The following NYAP2 variants were observed in gnomAD, a reference collection of about 807,000 sequenced individuals.
NYAP2 encodes neuronal tyrosine-phosphorylated phosphoinositide-3-kinase adaptor 2, also known as neuronal tyrosine-phosphorylated phosphoinositide-3-kinase adapter 2.
In NYAP2, 23 loss-of-function variants were observed where a neutral mutation model predicts 50.4. The ratio of observed to expected loss-of-function variants is 0.46; its 90% CI spans 0.33 to 0.65. NYAP2 has a LOEUF of 0.65. Ranked by LOEUF, NYAP2 falls within the 30% of genes least tolerant of loss-of-function variation. The pLI is 0.02. For synonymous variants in NYAP2, 394 were observed against 365.2 expected (o/e 1.08, Z -0.90); for missense variants, 885 against 861.0 (o/e 1.03, Z -0.35).
the NYAP2 span, among the ~76,000 whole-genome samples, chr2:225,659,918 T>C: frequency 6.6e-6 from 1 of 152,344 alleles, no homozygotes; most frequent in Admixed American, 6.5e-5. Flanking sequence ...GTTCAGTCAG[T>C]GTTATTCCAA....
chr2:225,594,770 T>C (rs1407688999), intron 5 of NYAP2, among the ~76,000 whole-genome samples: 3 of 152,226 alleles, frequency 2.0e-5, no homozygotes, highest in Non-Finnish European at 4.4e-5. Flanking sequence ...ATGTCTGTAG[T>C]GGTGCATGGT....
chr2:225,510,847 G>T (rs1004416052), intron 3 of NYAP2, among the ~76,000 whole-genome samples: 2 of 151,938 alleles, frequency 1.3e-5, no homozygotes, highest in African/African-American at 4.8e-5. Flanking sequence ...GTTAGATTAA[G>T]TTGTTGTATG....
At chr2:225,529,802 G>GA (rs1574660725) in intron 4 of NYAP2, among the ~76,000 whole-genome samples, 2 of 152,192 alleles carry the variant, frequency 1.3e-5, no homozygotes, top group African/African-American at 4.8e-5. Flanking sequence ...CTGCCTCCTG[G>GA]GTTCAAGCAA....
chr2:225,611,037 G>T (rs1297190861), intron 5 of NYAP2, among the ~76,000 whole-genome samples: 1 of 152,144 alleles, frequency 6.6e-6, no homozygotes, highest in Non-Finnish European at 1.5e-5. Flanking sequence ...GGACTTCAAG[G>T]TTTCAGCAAG....
At chr2:225,624,354 G>C (rs1240211984) in intron 5 of NYAP2, among the ~76,000 whole-genome samples, 1 of 152,184 alleles carries the variant, frequency 6.6e-6, no homozygotes, top group Non-Finnish European at 1.5e-5. Context: ...CACTAGAAAC[G>C]GGGCATTCTA....
intron 3 of NYAP2, among the ~76,000 whole-genome samples, chr2:225,502,819 A>G (rs1262070719): frequency 6.6e-6 from 1 of 152,236 alleles, no homozygotes; most frequent in African/African-American, 2.4e-5. Flanking sequence ...TCTGATCACA[A>G]GGTGCTGAAA....
chr2:225,617,905 T>A (rs10498192), intron 5 of NYAP2, among the ~76,000 whole-genome samples: 41,861 of 152,040 alleles, frequency 0.28, 5,850 homozygotes, highest in African/African-American at 0.33. Flanking sequence ...CAGTTATTCA[T>A]CCCATCCCTT....
At chr2:225,492,156 A>G (rs1327070505) in intron 3 of NYAP2, among the ~76,000 whole-genome samples, 5 of 152,150 alleles carry the variant, frequency 3.3e-5, no homozygotes. Flanking sequence ...GGAAGAGCAA[A>G]TGCCCATGTG....
intron 6 of NYAP2, among the ~76,000 whole-genome samples, chr2:225,636,333 T>G (rs1693414207): frequency 6.6e-6 from 1 of 152,156 alleles, no homozygotes; most frequent in African/African-American, 2.4e-5. Flanking sequence ...ATATTCAACT[T>G]TTTAATATAT....
At chr2:225,544,627 G>A (rs1691539162) in intron 4 of NYAP2, among the ~76,000 whole-genome samples, 1 of 151,958 alleles carries the variant, frequency 6.6e-6, no homozygotes, top group African/African-American at 2.4e-5. Flanking sequence ...TTTATGTCTT[G>A]TTGTACCGTC....
intron 3 of NYAP2, among the ~76,000 whole-genome samples, chr2:225,460,444 G>A (rs752483289): frequency 1.3e-5 from 2 of 152,170 alleles, no homozygotes; most frequent in African/African-American, 2.4e-5. Flanking sequence ...TTGGTGATAT[G>A]TTTATTGTTT....
intron 6 of NYAP2, among the ~76,000 whole-genome samples, chr2:225,634,681 T>A (rs1448163359): frequency 6.6e-6 from 1 of 152,220 alleles, no homozygotes; most frequent in South Asian, 2.1e-4. Flanking sequence ...AATCTGGATT[T>A]AAATCCTCAT....
At chr2:225,474,162 G>C (rs1690061461) in intron 3 of NYAP2, among the ~76,000 whole-genome samples, 1 of 152,058 alleles carries the variant, frequency 6.6e-6, no homozygotes, top group African/African-American at 2.4e-5. Context: ...CTGTTCCATT[G>C]GTCTATATCT....
At chr2:225,474,055 G>A (rs998672015) in intron 3 of NYAP2, among the ~76,000 whole-genome samples, 3 of 152,096 alleles carry the variant, frequency 2.0e-5, no homozygotes, top group South Asian at 2.1e-4. Context: ...AGCACCATTT[G>A]TTAAATAAGG....
chr2:225,460,711 T>G (rs1474390152), intron 3 of NYAP2, among the ~76,000 whole-genome samples: 1 of 152,168 alleles, frequency 6.6e-6, no homozygotes, highest in African/African-American at 2.4e-5. Flanking sequence ...AAATTGGCAT[T>G]TAGTAAACAG....
chr2:225,462,143 G>A (rs981562583), intron 3 of NYAP2, among the ~76,000 whole-genome samples: 2 of 152,006 alleles, frequency 1.3e-5, no homozygotes, highest in African/African-American at 4.8e-5. Context: ...TAGTTGCATA[G>A]GTTTATTTAA....
chr2:225,504,279 G>GA (rs1255903818), intron 3 of NYAP2, among the ~76,000 whole-genome samples: 2 of 152,280 alleles, frequency 1.3e-5, no homozygotes, highest in Admixed American at 1.3e-4. Context: ...TCACACCATA[G>GA]AAGGGGTGAG....
intron 3 of NYAP2, among the ~76,000 whole-genome samples, chr2:225,494,350 T>G (rs1291809824): frequency 6.6e-6 from 1 of 152,292 alleles, no homozygotes; most frequent in African/African-American, 2.4e-5. Flanking sequence ...GAAGTATTAC[T>G]TTGCTTGACT....
intron 6 of NYAP2, among the ~76,000 whole-genome samples, chr2:225,649,430 C>G (rs1347404500): frequency 9.9e-5 from 15 of 152,192 alleles, no homozygotes; most frequent in Admixed American, 9.8e-4. Flanking sequence ...CAGGGTCTCT[C>G]CTTGCCCTGC....
Sources: allele counts gnomAD v4.1 joint callset (sites outside exome capture counted in the v4.1 genomes callset), GRCh38; gene constraint gnomAD v4.1.1; transcripts MANE v1.5; gene names NCBI Gene and HGNC (gene_info 2026-07-23, HGNC 2026-07-21).